The following RYR3 variants were observed in gnomAD, a reference collection of about 807,000 sequenced individuals.
RYR3 encodes the protein ryanodine receptor 3.
A neutral mutation model predicts 584.3 loss-of-function variants in RYR3; 207 were observed. That is an observed-to-expected ratio of 0.35 (90% CI 0.32 to 0.40). RYR3 has a LOEUF of 0.40. Ranked by LOEUF, RYR3 falls within the 10% of genes least tolerant of loss-of-function variation. The probability of loss-of-function intolerance (pLI) is 1.00; values close to 1 mark genes in which losing one functional copy is unlikely to be tolerated. For missense variants in RYR3, 5,616 were observed against 6,089.2 expected (o/e 0.92, Z 2.59); for synonymous variants, 2,416 against 2,248.5 (o/e 1.07, Z -2.11).
chr15:33,734,218 A>G (rs561762420), intron 48 of RYR3, among the ~76,000 whole-genome samples: 1 of 152,336 alleles, frequency 6.6e-6, no homozygotes, highest in African/African-American at 2.4e-5. Context: ...GCTTCATTCA[A>G]CACAAGATTT....
At chr15:33,770,071 C>T (rs1468026130) in intron 62 of RYR3, among the ~76,000 whole-genome samples, 1 of 151,070 alleles carries the variant, frequency 6.6e-6, no homozygotes, top group African/African-American at 2.4e-5. Context: ...ATAGTCGAAG[C>T]TACTCAGGAG....
chr15:33,465,608 G>A (rs2048418787), intron 1 of RYR3: 5 of 461,316 alleles, frequency 1.1e-5, no homozygotes, highest in Admixed American at 2.2e-5. Flanking sequence ...GATGGAAAGT[G>A]ATTGGAGGCT....
intron 86 of RYR3, 45 bp downstream of exon 86, chr15:33,831,136 T>G: frequency 6.4e-7 from 1 of 1,570,918 alleles, no homozygotes. Flanking sequence ...AGAACATTGT[T>G]GATATGCCTG....
intron 3 of RYR3, among the ~76,000 whole-genome samples, chr15:33,529,248 C>A (rs570123265): frequency 6.6e-6 from 1 of 152,138 alleles, no homozygotes; most frequent in Non-Finnish European, 1.5e-5. Flanking sequence ...AAAGCGCAGC[C>A]GCATTTATAT....
chr15:33,421,083 C>T (rs2044212162), intron 1 of RYR3, among the ~76,000 whole-genome samples: 1 of 152,086 alleles, frequency 6.6e-6, no homozygotes, highest in Non-Finnish European at 1.5e-5. Context: ...GGAGGGATTT[C>T]ACTTACTATT....
Position 33,823,063 on chromosome 15 carries a change from A to G in RYR3, c.11063A>G (p.Gln3688Arg), listed in dbSNP as rs1485209521. 2 of 1,612,908 alleles carry G rather than the reference A, an allele frequency of 1.2e-6. No homozygotes were observed. Among genetic ancestry groups the G allele is most frequent in the Non-Finnish European group, 1.7e-6 (2 of 1,179,384 alleles). The change falls in exon 81 of 104, where the codon CAG becomes CGG. Residue 3688 changes from glutamine (Q) to arginine (R), a missense_variant. Physicochemically the swap from Gln to Arg is conservative, Grantham distance 43 (BLOSUM62 1). Around this residue, in one of 9 missense-constraint regions of RYR3, gnomAD observed 954 missense variants for 1,132.2 expected, o/e 0.84. Transcript: ENST00000634891. ...TTTCAAAGCCTTTCTGGTCTTATGC[A>G]GTCTTGCAGGTAAATGCGGGAAAAC... is the stretch of plus-strand genomic sequence containing the variant. ...GFFQSLSGLMQSCSVLDLNAF... is the reference protein window; with the variant it reads ...GFFQSLSGLMRSCSVLDLNAF...
intron 24 of RYR3, among the ~76,000 whole-genome samples, chr15:33,633,804 A>G (rs2061376464): frequency 6.6e-6 from 1 of 152,248 alleles, no homozygotes; most frequent in Admixed American, 6.5e-5. Context: ...GAGGGACATT[A>G]CTACAAATGT....
intron 38 of RYR3, among the ~76,000 whole-genome samples, chr15:33,679,862 A>G (rs74005949): frequency 0.15 from 22,959 of 152,166 alleles, 1,962 homozygotes; most frequent in African/African-American, 0.24. Flanking sequence ...GGGAGATTTT[A>G]TTTCTGAATC....
rs963856709 is a variant in RYR3, at chr15:33,310,980, C to A, written c.-66C>A. On this transcript the variant is annotated 5_prime_UTR_variant, in exon 1 of 104. Coordinates refer to ENST00000634891, the MANE Select transcript of RYR3 (RefSeq NM_001036.6). ...AAAGAGCGCAGCAGCAGTCAGCGCACGCCGAGCGGCTGCCGGGGGAAGCAG... is the reference window on the plus strand; with the variant it reads ...AAAGAGCGCAGCAGCAGTCAGCGCAAGCCGAGCGGCTGCCGGGGGAAGCAG... The A allele has an allele frequency of 7.7e-7, 1 of 1,297,100 alleles. No individual in the cohort carries two copies. Among genetic ancestry groups the A allele is most frequent in the Non-Finnish European group, 1.1e-6 (1 of 920,810 alleles). The allele number at this position is 1,297,100 out of a possible 1,614,324, so 80.3% of individuals were successfully genotyped here.
At chr15:33,488,645 G>A (rs528714842) in intron 2 of RYR3, among the ~76,000 whole-genome samples, 100 of 152,236 alleles carry the variant, frequency 6.6e-4, no homozygotes, top group Middle Eastern at 3.4e-3. Context: ...AAGGTCAGGA[G>A]ATCGAGACCA....
intron 1 of RYR3, among the ~76,000 whole-genome samples, chr15:33,385,369 AT>A (rs2141231346): frequency 6.6e-6 from 1 of 152,198 alleles, no homozygotes; most frequent in East Asian, 1.9e-4. Context: ...TATCTTTTTT[AT>A]CCCTGAAAAT....
intron 42 of RYR3, among the ~76,000 whole-genome samples, chr15:33,703,567 C>T (rs932621100): frequency 6.6e-6 from 1 of 152,200 alleles, no homozygotes; most frequent in Admixed American, 6.5e-5. Flanking sequence ...ACCCCAACAA[C>T]TCAGTTTAAC....
At chr15:33,795,990 A>G (rs1469141033) in intron 67 of RYR3, among the ~76,000 whole-genome samples, 1 of 152,182 alleles carries the variant, frequency 6.6e-6, no homozygotes, top group Non-Finnish European at 1.5e-5. Context: ...CCATGCAGCA[A>G]CTGCCTCAGG....
intron 1 of RYR3, among the ~76,000 whole-genome samples, chr15:33,359,679 C>T (rs922639026): frequency 2.6e-5 from 4 of 151,718 alleles, no homozygotes; most frequent in South Asian, 4.2e-4. Context: ...AGTGCAGTGG[C>T]GCGATCTCGG....
intron 1 of RYR3, among the ~76,000 whole-genome samples, chr15:33,434,813 A>C (rs963669960): frequency 2.6e-5 from 4 of 151,920 alleles, no homozygotes; most frequent in African/African-American, 4.8e-5. Flanking sequence ...TTTCTCATTT[A>C]CATTTTTTGT....
rs539888185 is a variant in RYR3 at position 33,539,519 on chromosome 15, A to G, written c.546+57A>G. Reference sequence around the variant, plus strand: ...TTTCAGAAATTTTTCCTTTAGGAATAGATGGCCATGAAGAACTGAGCCACA... The same window carrying G: ...TTTCAGAAATTTTTCCTTTAGGAATGGATGGCCATGAAGAACTGAGCCACA... On this transcript the variant is annotated intron_variant, in intron 6 of 103. Transcript: ENST00000634891. The G allele has an allele frequency of 8.4e-6, 9 of 1,068,384 alleles. No individual in the cohort carries two copies. The African/African-American group carries it at 9.5e-5, about 11-fold the overall frequency. 66.2% of individuals were successfully genotyped at this position (1,068,384 alleles called of 1,614,324 possible).
At position 33,865,164 on chromosome 15, in the gene RYR3, T is replaced by A; in HGVS notation, c.14551T>A (p.Cys4851Ser). 6.2e-7 allele frequency: 1 copy of A among 1,613,778 alleles called. No individual in the cohort carries two copies. Among genetic ancestry groups the A allele is most frequent in the Non-Finnish European group, 8.5e-7 (1 of 1,179,784 alleles). The change falls in exon 104 of 104, where the codon TGT becomes AGT. Residue 4851 changes from cysteine (C) to serine (S), a missense_variant. This residue lies in a region of RYR3 where 918 missense variants were observed against 887.4 expected (regional missense o/e 1.03). Coordinates refer to ENST00000634891, the MANE Select transcript of RYR3 (RefSeq NM_001036.6). ...SYVWKMYQER[C>S]WDFFPAGDCF... is the part of the protein sequence containing the mutation. ...TGTCTGGAAGATGTACCAAGAAAGG[T>A]GTTGGGATTTCTTCCCAGCCGGTGA...
At chr15:33,347,498 G>A (rs1972609558) in intron 1 of RYR3, among the ~76,000 whole-genome samples, 1 of 151,214 alleles carries the variant, frequency 6.6e-6, no homozygotes, top group Admixed American at 6.6e-5. Context: ...CCAGGCTGGA[G>A]TGCAGTGGTG....
chr15:33,535,769 A>C (rs2055275942), intron 5 of RYR3, among the ~76,000 whole-genome samples: 1 of 152,096 alleles, frequency 6.6e-6, no homozygotes, highest in East Asian at 1.9e-4. Context: ...CGGCAACATT[A>C]CTCTTTTCAT....
Sources: gnomAD v4.1 joint callset for allele counts (sites outside exome capture counted in the v4.1 genomes callset) on GRCh38, gnomAD v4.1.1 for gene constraint, gnomAD v4.1.1 regional missense constraint, MANE v1.5 for transcripts, NCBI Gene and HGNC (gene_info 2026-07-23, HGNC 2026-07-21) for gene names.